Variants in EDIL3 observed in about 807,000 individuals in gnomAD.
The protein encoded by EDIL3 is EGF-like repeat and discoidin I-like domain-containing protein 3.
EDIL3 carries 37 observed loss-of-function variants against 67.4 expected under a neutral mutation model. The ratio of observed to expected loss-of-function variants is 0.55; its 90% CI spans 0.42 to 0.72. EDIL3 has a LOEUF of 0.72. Among genes scored for constraint, EDIL3 ranks in the 30% least tolerant of loss-of-function variants. The probability of loss-of-function intolerance (pLI) is 0.00; values close to 1 mark genes in which losing one functional copy is unlikely to be tolerated. For synonymous variants in EDIL3, 195 were observed against 196.3 expected (o/e 0.99, Z 0.05); for missense variants, 527 against 586.3 (o/e 0.90, Z 1.04).
chr5:83,963,282 C>T lies in EDIL3; in HGVS notation c.1216G>A (p.Gly406Ser). The change falls in exon 10 of 11, where the codon GGC becomes AGC. Residue 406 changes from glycine to serine, a missense_variant. By Grantham distance (56) the Gly-to-Ser change is moderately conservative. This residue lies in a region of EDIL3 where 494 missense variants were observed against 522.5 expected (regional missense o/e 0.95). Coordinates refer to ENST00000296591, the MANE Select transcript of EDIL3 (RefSeq NM_005711.5). Reference protein sequence around the residue: ...AKDFGHVQFVGSYKLAYSNDG... With the variant: ...AKDFGHVQFVSSYKLAYSNDG... ...TTGCTGTAAGCCAGTTTGTAGGAGCCAACAAACTGTACATGACCAAAATCT... is the reference window on the plus strand; with the variant it reads ...TTGCTGTAAGCCAGTTTGTAGGAGCTAACAAACTGTACATGACCAAAATCT... 4 of 1,610,068 alleles carry T rather than the reference C, an allele frequency of 2.5e-6. No homozygotes were observed. The highest frequency in any genetic ancestry group is 3.4e-6 in the Non-Finnish European group (4 of 1,177,616).
At chr5:84,254,344 G>T in intron 1 of EDIL3, 132 bp from the exon 2 acceptor site, 1 of 1,024,816 alleles carries the variant, frequency 9.8e-7, no homozygotes, top group Non-Finnish European at 1.4e-6. Context: ...TCACACATAA[G>T]ATCTGCAAGA....
chr5:83,969,876 A>C (rs1744760818), intron 9 of EDIL3, among the ~76,000 whole-genome samples: 1 of 151,818 alleles, frequency 6.6e-6, no homozygotes, highest in Admixed American at 6.6e-5. Context: ...CTATCATTTC[A>C]AACATTTATT....
At chr5:84,330,171 T>C (rs1478455411) in intron 1 of EDIL3, among the ~76,000 whole-genome samples, 2 of 152,162 alleles carry the variant, frequency 1.3e-5, no homozygotes, top group Non-Finnish European at 2.9e-5. Context: ...AGACAGAGAC[T>C]AACATTGTTT....
At chr5:84,331,399 C>G (rs1746868111) in intron 1 of EDIL3, among the ~76,000 whole-genome samples, 2 of 152,076 alleles carry the variant, frequency 1.3e-5, no homozygotes, top group Admixed American at 1.3e-4. Context: ...GTGGGAGGGA[C>G]CTGGTGGGAG....
chr5:84,226,584 T>C (rs180882175), intron 3 of EDIL3, among the ~76,000 whole-genome samples: 1 of 151,946 alleles, frequency 6.6e-6, no homozygotes, highest in East Asian at 1.9e-4. Context: ...TTTTATTATA[T>C]AGGTTGATAA....
chr5:84,007,636 G>A (rs535369824), intron 9 of EDIL3, among the ~76,000 whole-genome samples: 2 of 152,134 alleles, frequency 1.3e-5, no homozygotes, highest in African/African-American at 2.4e-5. Flanking sequence ...GCAAATGCTG[G>A]CAAGGTTGTG....
chr5:84,363,826 T>TA (rs201256494), intron 1 of EDIL3, among the ~76,000 whole-genome samples: 1,578 of 152,012 alleles, frequency 0.01, 15 homozygotes, highest in Non-Finnish European at 0.016. Context: ...CAACTGGAGA[T>TA]AAAAAAAATT....
intron 3 of EDIL3, among the ~76,000 whole-genome samples, chr5:84,189,062 C>G (rs1350010373): frequency 6.6e-6 from 1 of 152,028 alleles, no homozygotes; most frequent in East Asian, 1.9e-4. Flanking sequence ...TTAAGTAAAC[C>G]AGAGTTTTAT....
intron 5 of EDIL3, among the ~76,000 whole-genome samples, chr5:84,109,588 T>C (rs988824352): frequency 2.0e-5 from 3 of 152,126 alleles, no homozygotes; most frequent in East Asian, 1.9e-4. Flanking sequence ...TATTATAGGG[T>C]TATATCTTAT....
rs149974589 is a variant in EDIL3 at position 83,991,289 on chromosome 5, A to G, written c.1138-27929T>C. On this transcript the variant is annotated intron_variant, in intron 9 of 10. Coordinates refer to ENST00000296591, the MANE Select transcript of EDIL3 (RefSeq NM_005711.5). ...TTTTTCCAACAACATAAATAGTAAG[A>G]TCTGACATTGTAAAAGTCCTCTTTT... is the stretch of plus-strand genomic sequence containing the variant. Among the ~76,000 whole-genome samples, 157 of 152,256 alleles carry G rather than the reference A, an allele frequency of 1.0e-3. 1 individual carries two copies. Among genetic ancestry groups the G allele is most frequent in the African/African-American group, 3.6e-3 (151 of 41,560 alleles).
At chr5:84,209,177 A>G (rs1409707284) in intron 3 of EDIL3, among the ~76,000 whole-genome samples, 2 of 151,442 alleles carry the variant, frequency 1.3e-5, no homozygotes, top group Non-Finnish European at 2.9e-5. Flanking sequence ...TTGAACAATG[A>G]GAACACATGG....
chr5:84,120,055 T>A (rs1031630561), intron 5 of EDIL3, among the ~76,000 whole-genome samples: 16 of 152,142 alleles, frequency 1.1e-4, no homozygotes, highest in Admixed American at 6.6e-4. Context: ...TTGAGATTTT[T>A]AAAAAAAACT....
intron 1 of EDIL3, among the ~76,000 whole-genome samples, chr5:84,327,226 TACTA>T (rs1356031594): frequency 6.6e-6 from 1 of 151,996 alleles, no homozygotes; most frequent in Non-Finnish European, 1.5e-5. Context: ...TATTCATCCT[TACTA>T]ACCAAAACTT....
At chr5:84,014,172 G>GT (rs1745561733) in intron 9 of EDIL3, among the ~76,000 whole-genome samples, 1 of 152,132 alleles carries the variant, frequency 6.6e-6, no homozygotes, top group African/African-American at 2.4e-5. Flanking sequence ...AGCTGGCATT[G>GT]TATAAATATG....
chr5:84,019,647 A>G (rs990489663), intron 9 of EDIL3, among the ~76,000 whole-genome samples: 6 of 152,158 alleles, frequency 3.9e-5, no homozygotes, highest in Non-Finnish European at 8.8e-5. Context: ...GCTGCTCATA[A>G]TACACATTGC....
In EDIL3 at chr5:84,081,458, C is replaced by T. The variant is rs1011125341; in HGVS notation, c.652-14852G>A. Reference sequence around the variant, plus strand: ...CGATGTCAGCACATGAGTAGAAATGCTAATCCCAATAAAAACCACATTAGA... The same window carrying T: ...CGATGTCAGCACATGAGTAGAAATGTTAATCCCAATAAAAACCACATTAGA... On this transcript the variant is annotated intron_variant, in intron 6 of 10. Coordinates refer to ENST00000296591, the MANE Select transcript of EDIL3 (RefSeq NM_005711.5). 5.9e-5 allele frequency among the ~76,000 whole-genome samples: 9 copies of T among 152,056 alleles called. No homozygotes were observed. In the South Asian group the frequency reaches 1.9e-3, roughly 32 times the overall value.
chr5:84,308,309 G>GAGT (rs1746313561), intron 1 of EDIL3, among the ~76,000 whole-genome samples: 1 of 152,138 alleles, frequency 6.6e-6, no homozygotes, highest in South Asian at 2.1e-4. Context: ...TGAATGGCCT[G>GAGT]GAGGATATGC....
chr5:84,282,103 G>C (rs1972953), intron 1 of EDIL3, among the ~76,000 whole-genome samples: 122,962 of 151,190 alleles, frequency 0.81, 50,334 homozygotes, highest in East Asian at 0.95. Flanking sequence ...GAACTCCTGA[G>C]CTCGTGATTT....
Position 84,271,473 on chromosome 5 carries a change from A to G in EDIL3, c.68-17261T>C, listed in dbSNP as rs568599809. 2.4e-3 allele frequency among the ~76,000 whole-genome samples: 370 copies of G among 151,674 alleles called. 1 individual carries two copies. Among genetic ancestry groups the G allele is most frequent in the African/African-American group, 8.3e-3 (344 of 41,454 alleles). Reference sequence around the variant, plus strand: ...TAAATAAATAAATATAAAATAAAGGAGAGACTTAGTCTATTGCAGAAGGAA... The same window carrying G: ...TAAATAAATAAATATAAAATAAAGGGGAGACTTAGTCTATTGCAGAAGGAA... On this transcript the variant is annotated intron_variant, in intron 1 of 10. Transcript: ENST00000296591.
Sources: allele counts gnomAD v4.1 joint callset (sites outside exome capture counted in the v4.1 genomes callset), GRCh38; gene constraint gnomAD v4.1.1; regional missense constraint gnomAD v4.1.1; transcripts MANE v1.5; gene names NCBI Gene and HGNC (gene_info 2026-07-23, HGNC 2026-07-21).